LRRTM4: variants seen among roughly 807,000 people sequenced by gnomAD.
LRRTM4 encodes the protein leucine-rich repeat transmembrane neuronal protein 4.
A neutral mutation model predicts 47.6 loss-of-function variants in LRRTM4; 25 were observed. The ratio of observed to expected loss-of-function variants is 0.53; its 90% CI spans 0.38 to 0.73. The LOEUF (loss-of-function observed/expected upper bound fraction) is 0.73, where lower values mean the gene tolerates loss of function less well. LRRTM4 is among the 30% of genes least tolerant of loss of function. The probability of loss-of-function intolerance (pLI) is 0.00; values close to 1 mark genes in which losing one functional copy is unlikely to be tolerated. For synonymous variants in LRRTM4, 311 were observed against 269.5 expected, an observed-to-expected ratio of 1.15 and a Z score of -1.51; for missense variants, 638 against 713.4, an observed-to-expected ratio of 0.89 and a Z score of 1.20.
At chr2:77,385,998 C>T (rs780672268) in intron 3 of LRRTM4, among the ~76,000 whole-genome samples, 1 of 151,794 alleles carries the variant, frequency 6.6e-6, no homozygotes, top group South Asian at 2.1e-4. Context: ...CTCAGGTGAT[C>T]CAACCACCTC....
intron 3 of LRRTM4, among the ~76,000 whole-genome samples, chr2:76,899,276 T>G (rs1302202587): frequency 6.8e-6 from 1 of 147,388 alleles, no homozygotes; most frequent in East Asian, 2.0e-4. Context: ...CTCATGAAAC[T>G]TAAATTCTAT....
intron 3 of LRRTM4, among the ~76,000 whole-genome samples, chr2:76,795,052 TAGTAAGCTAA>T (rs1558657827): frequency 1.3e-5 from 2 of 151,960 alleles, no homozygotes; most frequent in Non-Finnish European, 3.0e-5. Flanking sequence ...GTATGGCAGA[TAGTAAGCTAA>T]AGTAAAAATA....
chr2:77,061,707 C>T (rs546262162), intron 3 of LRRTM4, among the ~76,000 whole-genome samples: 8 of 152,218 alleles, frequency 5.3e-5, no homozygotes, highest in Non-Finnish European at 1.2e-4. Flanking sequence ...CATTATCCTC[C>T]ATATTGAAAG....
chr2:76,959,878 G>T (rs1444830172), intron 3 of LRRTM4, among the ~76,000 whole-genome samples: 1 of 151,318 alleles, frequency 6.6e-6, no homozygotes, highest in East Asian at 2.0e-4. Flanking sequence ...ACCCTTATTT[G>T]GTTTTATTAT....
At chr2:77,354,742 T>C (rs1015349202) in intron 3 of LRRTM4, among the ~76,000 whole-genome samples, 4 of 152,164 alleles carry the variant, frequency 2.6e-5, no homozygotes, top group Non-Finnish European at 5.9e-5. Flanking sequence ...TGGCCTTTCA[T>C]ACTTCCACAC....
At chr2:77,143,389 A>G (rs1027939687) in intron 3 of LRRTM4, among the ~76,000 whole-genome samples, 7 of 152,204 alleles carry the variant, frequency 4.6e-5, no homozygotes, top group Admixed American at 6.5e-5. Flanking sequence ...AAATACCATT[A>G]GCGCATATAG....
At chr2:76,956,336 G>A (rs1161253715) in intron 3 of LRRTM4, among the ~76,000 whole-genome samples, 2 of 151,598 alleles carry the variant, frequency 1.3e-5, no homozygotes, top group Non-Finnish European at 3.0e-5. Context: ...AACACATTTG[G>A]ATAACTAATA....
chr2:76,850,495 G>A (rs1184802056), intron 3 of LRRTM4, among the ~76,000 whole-genome samples: 1 of 152,078 alleles, frequency 6.6e-6, no homozygotes, highest in Non-Finnish European at 1.5e-5. Flanking sequence ...TTGATAATTG[G>A]GGATGCAAAT....
chr2:77,248,540 ACTAACT>A (rs1675513845), intron 3 of LRRTM4, among the ~76,000 whole-genome samples: 1 of 152,064 alleles, frequency 6.6e-6, no homozygotes, highest in Admixed American at 6.6e-5. Flanking sequence ...ATATAAACAA[ACTAACT>A]CTAAAGTTTA....
chr2:77,487,136 G>A (rs1050742476), intron 3 of LRRTM4, among the ~76,000 whole-genome samples: 11 of 152,332 alleles, frequency 7.2e-5, no homozygotes, highest in African/African-American at 2.6e-4. Flanking sequence ...CAGGGCTGCA[G>A]GATCCACAGA....
At chr2:77,092,646 A>AGT (rs1670685919) in intron 3 of LRRTM4, among the ~76,000 whole-genome samples, 1 of 144,910 alleles carries the variant, frequency 6.9e-6, no homozygotes, top group African/African-American at 2.8e-5. Flanking sequence ...AATACCTCTT[A>AGT]GTCTAGGTAG....
intron 3 of LRRTM4, among the ~76,000 whole-genome samples, chr2:77,373,104 T>A (rs988660418): frequency 1.0e-4 from 15 of 146,400 alleles, no homozygotes; most frequent in Non-Finnish European, 2.0e-4. Context: ...TATATATATA[T>A]ATATACGCAC....
intron 3 of LRRTM4, among the ~76,000 whole-genome samples, chr2:77,323,039 G>A (rs530860977): frequency 1.3e-5 from 2 of 151,898 alleles, no homozygotes; most frequent in South Asian, 4.2e-4. Context: ...TCATGGAGGC[G>A]TCACTTTTTC....
At chr2:77,390,549 G>C (rs1673462699) in intron 3 of LRRTM4, among the ~76,000 whole-genome samples, 1 of 151,960 alleles carries the variant, frequency 6.6e-6, no homozygotes, top group South Asian at 2.1e-4. Context: ...CATAACATAT[G>C]TGAAGCATCA....
At chr2:77,440,636 T>C (rs776375724) in intron 3 of LRRTM4, among the ~76,000 whole-genome samples, 26 of 152,302 alleles carry the variant, frequency 1.7e-4, no homozygotes, top group Non-Finnish European at 3.7e-4. Context: ...ACCGATTCTG[T>C]TGCAATGAAT....
chr2:76,801,496 A>G (rs574486263), intron 3 of LRRTM4, among the ~76,000 whole-genome samples: 1 of 152,182 alleles, frequency 6.6e-6, no homozygotes, highest in Non-Finnish European at 1.5e-5. Flanking sequence ...GGAGAATATC[A>G]CACTCTGGGG....
intron 3 of LRRTM4, among the ~76,000 whole-genome samples, chr2:76,887,938 C>T (rs956951657): frequency 6.6e-6 from 1 of 150,652 alleles, no homozygotes; most frequent in African/African-American, 2.4e-5. Context: ...AAAGTATATG[C>T]ACTTTGAACT....
At chr2:77,094,467 C>T (rs1040329887) in intron 3 of LRRTM4, among the ~76,000 whole-genome samples, 2 of 151,792 alleles carry the variant, frequency 1.3e-5, no homozygotes, top group Admixed American at 1.3e-4. Context: ...CCCCACATAG[C>T]CAAAGCAATA....
At chr2:76,852,783 A>C (rs375643459) in intron 3 of LRRTM4, among the ~76,000 whole-genome samples, 1 of 152,156 alleles carries the variant, frequency 6.6e-6, no homozygotes, top group East Asian at 1.9e-4. Flanking sequence ...AAATATTACA[A>C]AGTCTAATTC....
Sources: allele counts gnomAD v4.1 joint callset (sites outside exome capture counted in the v4.1 genomes callset), GRCh38; gene constraint gnomAD v4.1.1; transcripts MANE v1.5; gene names NCBI Gene and HGNC (gene_info 2026-07-23, HGNC 2026-07-21).